TTC28: variants seen among roughly 807,000 people sequenced by gnomAD.
TTC28 encodes tetratricopeptide repeat protein 28.
Under a neutral mutation model 198.0 loss-of-function variants are expected in TTC28, and 61 were observed. The observed-to-expected ratio is 0.31, with a 90% CI of 0.25 to 0.38. TTC28 has a LOEUF of 0.38. TTC28 is among the 10% of genes least tolerant of loss of function. The probability of loss-of-function intolerance (pLI) is 1.00; values close to 1 mark genes in which losing one functional copy is unlikely to be tolerated. For synonymous variants in TTC28, 1,171 were observed against 1,297.8 expected, an observed-to-expected ratio of 0.90 and a Z score of 2.10; for missense variants, 2,678 against 3,164.0, an observed-to-expected ratio of 0.85 and a Z score of 3.69.
intron 5 of TTC28, among the ~76,000 whole-genome samples, chr22:28,225,401 G>A (rs1030305148): frequency 2.2e-5 from 3 of 135,898 alleles, no homozygotes; most frequent in Admixed American, 7.9e-5. Flanking sequence ...AGAAGAAGAA[G>A]AAAGAAGAAG....
chr22:28,365,255 G>A (rs2046229065), intron 2 of TTC28, among the ~76,000 whole-genome samples: 1 of 152,082 alleles, frequency 6.6e-6, no homozygotes, highest in Admixed American at 6.6e-5. Flanking sequence ...ACATACTTTT[G>A]CACACTTAAT....
chr22:28,646,937 CA>C (rs1267889072), intron 1 of TTC28, among the ~76,000 whole-genome samples: 2 of 152,146 alleles, frequency 1.3e-5, no homozygotes, highest in African/African-American at 4.8e-5. Context: ...CAATCCTAAG[CA>C]AAAATGACTT....
At chr22:28,243,562 CTATCATGA>C (rs1569217889) in intron 5 of TTC28, among the ~76,000 whole-genome samples, 3 of 152,008 alleles carry the variant, frequency 2.0e-5, no homozygotes, top group African/African-American at 7.2e-5. Flanking sequence ...AGTTTTGATG[CTATCATGA>C]ACTACAGACT....
chr22:28,355,925 C>T (rs2046071003), intron 2 of TTC28, among the ~76,000 whole-genome samples: 1 of 152,186 alleles, frequency 6.6e-6, no homozygotes, highest in South Asian at 2.1e-4. Context: ...TGGCCTTGAG[C>T]CACATTAAAG....
intron 6 of TTC28, among the ~76,000 whole-genome samples, chr22:28,116,146 C>T (rs1288436348): frequency 6.6e-6 from 1 of 152,140 alleles, no homozygotes; most frequent in Admixed American, 6.5e-5. Flanking sequence ...TCTTCAGTCC[C>T]CTCCCACCAC....
rs889524455 is a variant in TTC28 at position 28,329,054 on chromosome 22, A to T, written c.382-22411T>A. On this transcript the variant is annotated intron_variant, in intron 2 of 22. Coordinates refer to ENST00000397906, the MANE Select transcript of TTC28 (RefSeq NM_001145418.2). ...TTGCACAGATAGTGGGCAAGAATTC[A>T]ATCTCAGGGTAGATTGGTTCAAAAT... Among the ~76,000 whole-genome samples the T allele has an allele frequency of 3.9e-5, 6 of 152,168 alleles. No individual in the cohort carries two copies. In the East Asian group the frequency reaches 5.8e-4, roughly 15 times the overall value.
chr22:28,018,148 C>A (rs756702852), intron 13 of TTC28, among the ~76,000 whole-genome samples: 3 of 152,152 alleles, frequency 2.0e-5, no homozygotes, highest in Non-Finnish European at 4.4e-5. Flanking sequence ...CCTAGCCAGC[C>A]CAGTCTGGGT....
chr22:28,572,838 T>C (rs965727195), intron 2 of TTC28, among the ~76,000 whole-genome samples: 4 of 152,114 alleles, frequency 2.6e-5, no homozygotes, highest in Non-Finnish European at 5.9e-5. Flanking sequence ...TATGTACAGT[T>C]ATGTAATGCT....
chr22:28,204,211 C>G (rs941816786), intron 5 of TTC28, among the ~76,000 whole-genome samples: 1 of 152,106 alleles, frequency 6.6e-6, no homozygotes, highest in South Asian at 2.1e-4. Context: ...AGAAAGACAT[C>G]CCACTCTCTT....
At chr22:28,436,011 A>C (rs1340566793) in intron 2 of TTC28, among the ~76,000 whole-genome samples, 1 of 152,224 alleles carries the variant, frequency 6.6e-6, no homozygotes, top group African/African-American at 2.4e-5. Flanking sequence ...CATTTAAAAT[A>C]TTAAATTCAG....
In TTC28 at chr22:27,992,658, G is replaced by A. The variant is rs781602374; in HGVS notation, c.5482C>T (p.Pro1828Ser). Residue 1828 changes from proline (P) to serine (S), a missense_variant, in exon 19 of 23, where the codon CCC becomes TCC. Physicochemically the swap from Pro to Ser is moderately conservative, Grantham distance 74. Coordinates refer to ENST00000397906, the MANE Select transcript of TTC28 (RefSeq NM_001145418.2). ...SSTLQSLLGL[P>S]NPALQALCKL... The stretch of plus-strand genomic sequence containing the variant: ...CAAAGGGCTTGGAGGGCAGGATTGG[G>A]CAGACCTAAACCAAGAAAAAAGGGT... The A allele has an allele frequency of 1.3e-6, 2 of 1,551,632 alleles. No homozygotes were observed. Among genetic ancestry groups the A allele is most frequent in the South Asian group, 2.4e-5 (2 of 84,046 alleles).
At chr22:28,324,027 A>T (rs2045487059) in intron 2 of TTC28, among the ~76,000 whole-genome samples, 1 of 152,232 alleles carries the variant, frequency 6.6e-6, no homozygotes, top group Admixed American at 6.5e-5. Flanking sequence ...AATATCCTTC[A>T]AACATGAAAG....
intron 2 of TTC28, among the ~76,000 whole-genome samples, chr22:28,540,495 A>G (rs922916776): frequency 9.9e-5 from 15 of 152,220 alleles, no homozygotes; most frequent in African/African-American, 3.6e-4. Flanking sequence ...CACAGATAAC[A>G]TAACAGCATT....
chr22:28,655,973 G>A (rs1210214948), intron 1 of TTC28, among the ~76,000 whole-genome samples: 1 of 152,120 alleles, frequency 6.6e-6, no homozygotes, highest in Admixed American at 6.6e-5. Context: ...TCAGTTAGAA[G>A]ACAGAAACTA....
At chr22:28,578,604 C>A (rs1469128060) in intron 2 of TTC28, among the ~76,000 whole-genome samples, 1 of 152,070 alleles carries the variant, frequency 6.6e-6, no homozygotes, top group Admixed American at 6.6e-5. Context: ...GATGGGCAGT[C>A]CAGTATCTGG....
At chr22:28,314,297 T>G (rs1417436464) in intron 2 of TTC28, among the ~76,000 whole-genome samples, 1 of 152,146 alleles carries the variant, frequency 6.6e-6, no homozygotes, top group African/African-American at 2.4e-5. Flanking sequence ...CCAAAGTAAT[T>G]TATAGATTCA....
intron 12 of TTC28, among the ~76,000 whole-genome samples, chr22:28,052,475 T>C (rs1168359106): frequency 2.6e-5 from 4 of 152,178 alleles, no homozygotes; most frequent in Admixed American, 6.5e-5. Context: ...AACTGGGCTT[T>C]ATAGTTAATA....
At chr22:28,602,532 A>G (rs2050656073) in intron 2 of TTC28, among the ~76,000 whole-genome samples, 1 of 152,204 alleles carries the variant, frequency 6.6e-6, no homozygotes, top group Non-Finnish European at 1.5e-5. Flanking sequence ...TTACTCTCAA[A>G]TAATTCAGAA....
chr22:28,062,760 G>A (rs1940602853), intron 12 of TTC28, among the ~76,000 whole-genome samples: 1 of 151,582 alleles, frequency 6.6e-6, no homozygotes, highest in South Asian at 2.1e-4. Flanking sequence ...AATTTCCATT[G>A]TGTTCTTTTT....
Sources: gnomAD v4.1 joint callset for allele counts (sites outside exome capture counted in the v4.1 genomes callset) on GRCh38, gnomAD v4.1.1 for gene constraint, MANE v1.5 for transcripts, NCBI Gene and HGNC (gene_info 2026-07-23, HGNC 2026-07-21) for gene names.